Variants in FRMD6 observed in about 807,000 individuals in gnomAD.
FRMD6 encodes the protein FERM domain-containing protein 6.
FRMD6 carries 37 observed loss-of-function variants against 73.2 expected under a neutral mutation model. The ratio of observed to expected loss-of-function variants is 0.51; its 90% CI spans 0.39 to 0.66. The LOEUF (loss-of-function observed/expected upper bound fraction) is 0.66. FRMD6 is among the 30% of genes least tolerant of loss of function. The probability of loss-of-function intolerance (pLI) is 0.00; values close to 1 mark genes in which losing one functional copy is unlikely to be tolerated. For missense variants in FRMD6, 714 were observed against 780.5 expected (o/e 0.91, Z 1.02); for synonymous variants, 273 against 282.2 (o/e 0.97, Z 0.33).
intron 1 of FRMD6, among the ~76,000 whole-genome samples, chr14:51,681,115 A>G (rs1308338166): frequency 1.3e-5 from 2 of 152,172 alleles, no homozygotes; most frequent in Non-Finnish European, 2.9e-5. Context: ...TACCCACATA[A>G]TGTTTTTCGT....
At chr14:51,550,775 C>T (rs117422795) in intron 1 of FRMD6, among the ~76,000 whole-genome samples, 1 of 152,200 alleles carries the variant, frequency 6.6e-6, no homozygotes, top group Non-Finnish European at 1.5e-5. Context: ...ATACATTGTA[C>T]AGTGCGTGAC....
intron 1 of FRMD6, among the ~76,000 whole-genome samples, chr14:51,497,226 T>C (rs1883351735): frequency 6.6e-6 from 1 of 150,782 alleles, no homozygotes; most frequent in Non-Finnish European, 1.5e-5. Context: ...TTCCATCTTC[T>C]GAAATAACTT....
intron 1 of FRMD6, among the ~76,000 whole-genome samples, chr14:51,662,017 A>G (rs1171262885): frequency 3.3e-5 from 5 of 152,166 alleles, no homozygotes; most frequent in Non-Finnish European, 7.4e-5. Context: ...GTAGGGCTCT[A>G]GTATATAGAT....
intron 2 of FRMD6, among the ~76,000 whole-genome samples, chr14:51,608,917 T>C (rs984460566): frequency 6.6e-6 from 1 of 152,178 alleles, no homozygotes; most frequent in South Asian, 2.1e-4. Flanking sequence ...AATGCACTGG[T>C]GAGAAGGAAT....
At chr14:51,563,207 G>A (rs896669372) in intron 1 of FRMD6, among the ~76,000 whole-genome samples, 2 of 152,182 alleles carry the variant, frequency 1.3e-5, no homozygotes, top group Non-Finnish European at 2.9e-5. Context: ...GCCTCATACA[G>A]CATCATTTCC....
the FRMD6 span, among the ~76,000 whole-genome samples, chr14:51,413,545 A>T: frequency 6.6e-6 from 1 of 152,130 alleles, no homozygotes; most frequent in East Asian, 1.9e-4. Flanking sequence ...ACATTTTCTT[A>T]ATCCAGTCTA....
intron 2 of FRMD6, among the ~76,000 whole-genome samples, chr14:51,615,454 C>T (rs1890672809): frequency 6.6e-6 from 1 of 151,938 alleles, no homozygotes; most frequent in East Asian, 1.9e-4. Flanking sequence ...AATATAAAAC[C>T]CCAAATAATG....
Position 51,701,069 on chromosome 14 carries a change from G to A in FRMD6, c.204G>A (p.Val68=), listed in dbSNP as rs139584641. Residue 68 remains valine, a synonymous_variant, in exon 4 of 14, where the codon GTG becomes GTA. Coordinates refer to ENST00000344768, the MANE Select transcript of FRMD6 (RefSeq NM_001267046.2). The stretch of plus-strand genomic sequence containing the variant: ...TTTAATGTACAGATAATGAACATGT[G>A]TATATGGAGTTGTCACAAAAGCTTT... ...GLSVIQNNEH[V]YMELSQKLYK... is the part of the protein sequence containing the mutation. 56 of 1,549,780 alleles carry A rather than the reference G, an allele frequency of 3.6e-5. No homozygotes were observed. The African/African-American group carries it at 6.8e-4, about 19-fold the overall frequency.
At chr14:51,645,100 C>T (rs971584783) in intron 2 of FRMD6, among the ~76,000 whole-genome samples, 1 of 152,128 alleles carries the variant, frequency 6.6e-6, no homozygotes, top group Non-Finnish European at 1.5e-5. Context: ...ATTAGGCTAC[C>T]TTTGAAAATG....
intron 1 of FRMD6, among the ~76,000 whole-genome samples, chr14:51,654,303 AT>A (rs199962624): frequency 0.069 from 4,882 of 70,896 alleles, 102 homozygotes; most frequent in Middle Eastern, 0.11. Context: ...GGTTAGCTGA[AT>A]TGGGGGGGGG....
intron 1 of FRMD6, among the ~76,000 whole-genome samples, chr14:51,531,941 T>C (rs1406592047): frequency 6.6e-6 from 1 of 152,258 alleles, no homozygotes; most frequent in Non-Finnish European, 1.5e-5. Context: ...ATATGTGCTA[T>C]CCATCTATTA....
At chr14:51,547,801 G>A (rs1350284466) in intron 1 of FRMD6, 1 of 151,332 alleles carries the variant, frequency 6.6e-6, no homozygotes, top group Admixed American at 6.6e-5. Flanking sequence ...TTACAAAAAA[G>A]AGGAGACACA....
At chr14:51,456,964 G>A in the FRMD6 span, among the ~76,000 whole-genome samples, 30 of 152,244 alleles carry the variant, frequency 2.0e-4, no homozygotes, top group South Asian at 5.4e-3. Context: ...CAAGTAGAAT[G>A]GTGGTTACTA....
At chr14:51,620,226 A>C (rs769165996) in intron 2 of FRMD6, among the ~76,000 whole-genome samples, 3 of 152,142 alleles carry the variant, frequency 2.0e-5, no homozygotes, top group Non-Finnish European at 4.4e-5. Flanking sequence ...TGGTCTGTGA[A>C]TTCTACTTTT....
At chr14:51,409,651 TGC>T in the FRMD6 span, among the ~76,000 whole-genome samples, 14 of 152,214 alleles carry the variant, frequency 9.2e-5, no homozygotes, top group African/African-American at 3.1e-4. Flanking sequence ...CAGGTTGGGG[TGC>T]AGTGGTACAA....
upstream of FRMD6, among the ~76,000 whole-genome samples, chr14:51,648,164 T>C (rs1892164759): frequency 6.6e-6 from 1 of 152,194 alleles, no homozygotes; most frequent in Non-Finnish European, 1.5e-5. Context: ...ATAATTTTTT[T>C]TCTTCTAATA....
intron 8 of FRMD6, among the ~76,000 whole-genome samples, chr14:51,711,864 A>G (rs1896962079): frequency 2.0e-5 from 3 of 152,256 alleles, no homozygotes; most frequent in Non-Finnish European, 4.4e-5. Flanking sequence ...CATCACTAAC[A>G]GGTCACTAAC....
At chr14:51,698,770 T>G (rs1347333757) in intron 3 of FRMD6, among the ~76,000 whole-genome samples, 1 of 152,096 alleles carries the variant, frequency 6.6e-6, no homozygotes, top group Non-Finnish European at 1.5e-5. Flanking sequence ...TCTTCTATAT[T>G]CTTTGTGAGG....
the FRMD6 span, among the ~76,000 whole-genome samples, chr14:51,429,504 C>T: frequency 6.6e-6 from 1 of 152,132 alleles, no homozygotes; most frequent in Non-Finnish European, 1.5e-5. Context: ...TCTGCAATTC[C>T]CTCATTGAAC....
Sources: gnomAD v4.1 joint callset for allele counts (sites outside exome capture counted in the v4.1 genomes callset) on GRCh38, gnomAD v4.1.1 for gene constraint, MANE v1.5 for transcripts, NCBI Gene and HGNC (gene_info 2026-07-23, HGNC 2026-07-21) for gene names.